The following EXOC3 variants were observed in gnomAD, a reference collection of about 807,000 sequenced individuals.
EXOC3 encodes the protein SEC6-like 1.
A neutral mutation model predicts 73.7 loss-of-function variants in EXOC3; 21 were observed. The ratio of observed to expected loss-of-function variants is 0.29; its 90% CI spans 0.20 to 0.41. EXOC3 has a LOEUF of 0.41. Among genes scored for constraint, EXOC3 ranks in the 10% least tolerant of loss-of-function variants. EXOC3 has a pLI of 1.00. For synonymous variants in EXOC3, 410 were observed against 389.1 expected (o/e 1.05, Z -0.63); for missense variants, 842 against 985.1 (o/e 0.85, Z 1.95).
intron 4 of EXOC3, among the ~76,000 whole-genome samples, chr5:455,581 A>C (rs2672734): frequency 6.6e-6 from 1 of 151,840 alleles, no homozygotes; most frequent in Non-Finnish European, 1.5e-5. Context: ...CTGAGAACGT[A>C]TTTACGGAAC....
intron 3 of EXOC3, among the ~76,000 whole-genome samples, chr5:450,595 C>T (rs11743639): frequency 0.27 from 40,319 of 152,006 alleles, 6,978 homozygotes; most frequent in Non-Finnish European, 0.39. Context: ...TAGCTTCTGT[C>T]TGCTTGTTCT....
chr5:462,368 C>T (rs1263026141), intron 9 of EXOC3, 61 bp downstream of exon 9: 1 of 1,576,978 alleles, frequency 6.3e-7, no homozygotes, highest in Non-Finnish European at 8.7e-7. Context: ...TCCTCACTGC[C>T]CTCTGGGACA....
chr5:465,410 C>A, intron 11 of EXOC3, 138 bp downstream of exon 11: 3 of 1,057,958 alleles, frequency 2.8e-6, no homozygotes, highest in Non-Finnish European at 4.0e-6. Flanking sequence ...CCAGGTCCTG[C>A]CTGACCTTGT....
rs141028315 is a variant in EXOC3, at chr5:455,011, C to T, written c.1046+960C>T. Reference sequence around the variant, plus strand: ...CCCCTGCAGAGAATGGTCACCGTGACGCTCTGTGCAATGGTGGCTCTCTGT... The same window carrying T: ...CCCCTGCAGAGAATGGTCACCGTGATGCTCTGTGCAATGGTGGCTCTCTGT... On this transcript the variant is annotated intron_variant, in intron 4 of 12. Coordinates refer to ENST00000512944, the MANE Select transcript of EXOC3 (RefSeq NM_007277.5). Among the ~76,000 whole-genome samples the T allele has an allele frequency of 5.9e-5, 9 of 152,102 alleles. No individual in the cohort carries two copies. The East Asian group carries it at 1.2e-3, about 20-fold the overall frequency.
Position 464,325 on chromosome 5 carries a change from A to G in EXOC3, c.1689A>G (p.Leu563=). ...HLNELMTKKW[L]LGSNAVDIIC... is the part of the protein sequence containing the mutation. The stretch of plus-strand genomic sequence containing the variant: ...ATGAATTGATGACGAAGAAGTGGCT[A>G]TTAGGGTCAAACGCTGTAGACATTA... The change falls in exon 10 of 13, where the codon CTA becomes CTG. Residue 563 remains leucine (L), a synonymous_variant. Transcript: ENST00000512944. 1.2e-6 allele frequency: 2 copies of G among 1,613,472 alleles called. No homozygotes were observed. Among genetic ancestry groups the G allele is most frequent in the South Asian group, 1.1e-5 (1 of 91,074 alleles).
chr5:449,357 A>G (rs1317781337), intron 3 of EXOC3, among the ~76,000 whole-genome samples: 1 of 152,190 alleles, frequency 6.6e-6, no homozygotes, highest in African/African-American at 2.4e-5. Flanking sequence ...ACTATTAAGA[A>G]CATTCATATT....
At chr5:465,939 G>A (rs760813159) in intron 12 of EXOC3, 94 bp downstream of exon 12, 311 of 1,405,512 alleles carry the variant, frequency 2.2e-4, no homozygotes, top group Non-Finnish European at 2.4e-4. Context: ...CTCCTGGTTC[G>A]CAAGTTCAGC....
At chr5:454,868 ATTT>A (rs370854107) in intron 4 of EXOC3, among the ~76,000 whole-genome samples, 1 of 110,786 alleles carries the variant, frequency 9.0e-6, no homozygotes, top group Admixed American at 9.4e-5. Context: ...AATAAACCTC[ATTT>A]TTTTTTTTTT....
At position 466,974 on chromosome 5, in the gene EXOC3, C is replaced by G. The variant is rs1235822872; in HGVS notation, c.*76C>G. 1 of 1,397,274 alleles carries G rather than the reference C, an allele frequency of 7.2e-7. No individual in the cohort carries two copies. The highest frequency in any genetic ancestry group is 9.8e-7 in the Non-Finnish European group (1 of 1,023,752). 86.6% of individuals were successfully genotyped at this position (1,397,274 alleles called of 1,614,324 possible). On this transcript the variant is annotated 3_prime_UTR_variant, in exon 13 of 13. Coordinates refer to ENST00000512944, the MANE Select transcript of EXOC3 (RefSeq NM_007277.5). Reference sequence around the variant, plus strand: ...TAGAAACGCGGGACAGCTGATTGCTCTCCTTGGCCACACGTGCTCCTTTTA... The same window carrying G: ...TAGAAACGCGGGACAGCTGATTGCTGTCCTTGGCCACACGTGCTCCTTTTA...
At position 466,758 on chromosome 5, in the gene EXOC3, C is replaced by T. The variant is rs1303329813; in HGVS notation, c.2098C>T (p.Arg700Cys). 6.2e-7 allele frequency: 1 copy of T among 1,613,040 alleles called. No homozygotes were observed. The highest frequency in any genetic ancestry group is 8.5e-7 in the Non-Finnish European group (1 of 1,179,744). Residue 700 changes from arginine (R) to cysteine (C), a missense_variant, in exon 13 of 13, where the codon CGT becomes TGT. Coordinates refer to ENST00000512944, the MANE Select transcript of EXOC3 (RefSeq NM_007277.5). ...DDHIGALLAVRGDASRDMKQT... is the reference protein window; with the variant it reads ...DDHIGALLAVCGDASRDMKQT... ...CCACATCGGTGCGCTGCTGGCTGTG[C>T]GTGGGGACGCCAGCCGTGACATGAA...
chr5:446,297 A>G lies in EXOC3; in HGVS notation c.92A>G (p.Gln31Arg), dbSNP rs747879049. ...QRPDQLDKVE[Q>R]YRRREARKKA... The stretch of plus-strand genomic sequence containing the variant: ...CCGGACCAGCTGGACAAGGTGGAGC[A>G]GTATCGCAGGAGAGAAGCGCGGAAG... The change falls in exon 2 of 13, where the codon CAG (glutamine) becomes CGG (arginine). Residue 31 changes from glutamine (Q) to arginine (R), a missense_variant. Coordinates refer to ENST00000512944, the MANE Select transcript of EXOC3 (RefSeq NM_007277.5). 1 of 1,613,892 alleles carries G rather than the reference A, an allele frequency of 6.2e-7. No individual in the cohort carries two copies. The highest frequency in any genetic ancestry group is 1.7e-5 in the Admixed American group (1 of 60,016).
chr5:452,383 C>G (rs1737682617), intron 3 of EXOC3, among the ~76,000 whole-genome samples: 1 of 151,994 alleles, frequency 6.6e-6, no homozygotes, highest in Non-Finnish European at 1.5e-5. Context: ...GTTTGGTTTC[C>G]TTTTGGATTT....
At chr5:450,398 A>G (rs983072546) in intron 3 of EXOC3, among the ~76,000 whole-genome samples, 1 of 152,208 alleles carries the variant, frequency 6.6e-6, no homozygotes, top group African/African-American at 2.4e-5. Context: ...GAGTTTGGAG[A>G]AGATACTTTG....
intron 12 of EXOC3, chr5:466,161 AG>A: frequency 2.7e-6 from 1 of 365,862 alleles, no homozygotes; most frequent in Non-Finnish European, 5.1e-6. Context: ...GAGTGGCCTC[AG>A]TGGGGCGAGT....
intron 6 of EXOC3, 62 bp downstream of exon 6, chr5:458,087 T>G (rs745906573): frequency 6.5e-7 from 1 of 1,546,466 alleles, no homozygotes; most frequent in Non-Finnish European, 8.8e-7. Context: ...ACCTGTAGGT[T>G]TTACAAAGTG....
intron 10 of EXOC3, 63 bp downstream of exon 10, chr5:464,475 C>G (rs1738078434): frequency 1.9e-6 from 3 of 1,561,614 alleles, no homozygotes; most frequent in Non-Finnish European, 1.8e-6. Context: ...TCACCCTGCT[C>G]AGAATTCAGC....
intron 9 of EXOC3, among the ~76,000 whole-genome samples, chr5:463,604 A>T (rs557841965): frequency 6.6e-6 from 1 of 152,328 alleles, no homozygotes; most frequent in South Asian, 2.1e-4. Context: ...CAGCCATTGT[A>T]GTTTTAATCT....
chr5:447,392 A>G, intron 2 of EXOC3, 141 bp from the exon 3 acceptor site: 1 of 595,466 alleles, frequency 1.7e-6, no homozygotes, highest in Non-Finnish European at 3.0e-6. Context: ...TGTTGATTTT[A>G]TTTTCTTTTC....
At chr5:454,569 A>G (rs1737749276) in intron 4 of EXOC3, among the ~76,000 whole-genome samples, 1 of 152,236 alleles carries the variant, frequency 6.6e-6, no homozygotes, top group African/African-American at 2.4e-5. Flanking sequence ...TTACAAGTCT[A>G]GATAGTTCGA....
Sources: gnomAD v4.1 joint callset for allele counts (sites outside exome capture counted in the v4.1 genomes callset) on GRCh38, gnomAD v4.1.1 for gene constraint, MANE v1.5 for transcripts, NCBI Gene and HGNC (gene_info 2026-07-23, HGNC 2026-07-21) for gene names.